BROX: variants seen among roughly 807,000 people sequenced by gnomAD.
BROX encodes the protein BRO1 domain and CAAX motif containing, also known as BRO1 domain-containing protein BROX.
BROX carries 53 observed loss-of-function variants against 61.0 expected under a neutral mutation model. The ratio of observed to expected loss-of-function variants is 0.87; its 90% CI spans 0.70 to 1.09. BROX has a LOEUF of 1.09. Among genes scored for constraint, BROX ranks in the 50% least tolerant of loss-of-function variants. The pLI, the probability that BROX is intolerant of heterozygous loss-of-function variation, is 0.00. For missense variants in BROX, 489 were observed against 472.0 expected (o/e 1.04, Z -0.33); for synonymous variants, 152 against 160.2 (o/e 0.95, Z 0.38).
chr1:222,725,511 T>G lies in BROX; in HGVS notation c.536T>G (p.Leu179Arg). 1 of 1,613,390 alleles carries G rather than the reference T, an allele frequency of 6.2e-7. No homozygotes were observed. The highest frequency in any genetic ancestry group is 8.5e-7 in the Non-Finnish European group (1 of 1,179,690). ...AEKGRDLESR[L>R]IEAYVIQCQA... ...AAAGGAAGAGATTTAGAGTCACGAC[T>G]CATAGAAGCATACGTTATTCAATGT... Residue 179 changes from leucine (L) to arginine (R), a missense_variant, in exon 7 of 13, where the codon CTC becomes CGC. Coordinates refer to ENST00000340934, the MANE Select transcript of BROX (RefSeq NM_144695.4).
chr1:222,714,628 C>T (rs756862250), intron 1 of BROX, among the ~76,000 whole-genome samples: 17 of 148,412 alleles, frequency 1.1e-4, no homozygotes, highest in Non-Finnish European at 2.4e-4. Flanking sequence ...CTTGCCCTGT[C>T]GCCCAGGCTG....
intron 8 of BROX, among the ~76,000 whole-genome samples, chr1:222,727,762 C>A (rs1166367561): frequency 1.3e-5 from 2 of 152,026 alleles, no homozygotes; most frequent in East Asian, 3.8e-4. Flanking sequence ...AACATGTAAC[C>A]CCGTTATTAT....
intron 6 of BROX, 124 bp from the exon 7 acceptor site, chr1:222,725,326 C>G: frequency 3.4e-6 from 2 of 589,764 alleles, no homozygotes; most frequent in South Asian, 4.9e-5. Flanking sequence ...TTTGTTTATA[C>G]TCTGAATTTC....
rs1354019894 is a variant in BROX, at chr1:222,733,373, A to C, written c.*659A>C. 6.6e-6 allele frequency: 1 copy of C among 150,722 alleles called. No homozygotes were observed. The highest frequency in any genetic ancestry group is 2.4e-5 in the African/African-American group (1 of 40,904). The allele number at this position is 150,722 out of a possible 1,614,324, so 9.3% of individuals were successfully genotyped here. A position where few individuals can be genotyped will look rare whatever the true frequency, so the allele number is the denominator to read the frequency against. On this transcript the variant is annotated 3_prime_UTR_variant, in exon 13 of 13. Transcript: ENST00000340934. ...TGGGATTACAGGCGTGATCCACTGC[A>C]CCTGGCCTCAGGTATGTTTTTCTAT...
intron 10 of BROX, 95 bp from the exon 11 acceptor site, chr1:222,729,932 A>G (rs1174674330): frequency 9.2e-6 from 11 of 1,192,834 alleles, no homozygotes. Context: ...GGTAAAGAGC[A>G]GTAAATGTCT....
At chr1:222,713,451 G>A (rs994999691) in intron 1 of BROX, 57 of 985,034 alleles carry the variant, frequency 5.8e-5, no homozygotes, top group Admixed American at 6.1e-5. Context: ...CTTCCGGGGT[G>A]GGGGTCCCTT....
intron 2 of BROX, among the ~76,000 whole-genome samples, chr1:222,716,391 G>T (rs1656613438): frequency 6.6e-6 from 1 of 152,194 alleles, no homozygotes; most frequent in South Asian, 2.1e-4. Flanking sequence ...GAGCCACCAT[G>T]CCCAGCTCTA....
At chr1:222,719,835 T>C (rs1377684622) in intron 4 of BROX, among the ~76,000 whole-genome samples, 1 of 152,206 alleles carries the variant, frequency 6.6e-6, no homozygotes. Context: ...TCTACTCTTT[T>C]TAAAAACTTC....
Position 222,728,841 on chromosome 1 carries a change from A to G in BROX, c.756+13A>G. ...CTACACAGCTTATGTAAGTATTCAC[A>G]ACGCTAAAAACAATGTAAATTATTG... On this transcript the variant is annotated intron_variant, in intron 9 of 12. Coordinates refer to ENST00000340934, the MANE Select transcript of BROX (RefSeq NM_144695.4). 1 of 1,538,308 alleles carries G rather than the reference A, an allele frequency of 6.5e-7. No individual in the cohort carries two copies. The highest frequency in any genetic ancestry group is 8.9e-7 in the Non-Finnish European group (1 of 1,121,614).
Position 222,727,202 on chromosome 1 carries a change from T to A in BROX, c.615T>A (p.Ala205=), listed in dbSNP as rs1657571035. 19 of 1,613,658 alleles carry A rather than the reference T, an allele frequency of 1.2e-5. No individual in the cohort carries two copies. The highest frequency in any genetic ancestry group is 1.5e-5 in the Non-Finnish European group (18 of 1,179,832). The stretch of plus-strand genomic sequence containing the variant: ...CTCGAGCAATTGAACTAAAACATGC[T>A]CCTGGACTAATTGCTGCACTGGCGT... The part of the protein sequence containing the change: ...TIARAIELKH[A]PGLIAALAYE... Residue 205 remains alanine (A), a synonymous_variant, in exon 8 of 13, where the codon GCT becomes GCA. Transcript: ENST00000340934.
intron 12 of BROX, 26 bp from the exon 13 acceptor site, chr1:222,732,602 T>A: frequency 6.5e-7 from 1 of 1,530,486 alleles, no homozygotes; most frequent in Non-Finnish European, 9.0e-7. Flanking sequence ...GTTTATGTAC[T>A]TAAACTGTGG....
intron 9 of BROX, 82 bp downstream of exon 9, chr1:222,728,910 T>G (rs138723801): frequency 2.3e-5 from 22 of 954,052 alleles, no homozygotes; most frequent in Non-Finnish European, 3.2e-5. Context: ...CTCACCAGAG[T>G]CTTTCATTAG....
intron 2 of BROX, chr1:222,717,828 A>G (rs1656750201): frequency 6.6e-6 from 1 of 152,220 alleles, no homozygotes; most frequent in Admixed American, 6.5e-5. Flanking sequence ...TCCACTCAAC[A>G]AGTAATTTTG....
At position 222,732,789 on chromosome 1, in the gene BROX, A is replaced by G. The variant is rs1207996858; in HGVS notation, c.*75A>G. The G allele has an allele frequency of 1.7e-6, 2 of 1,179,504 alleles. No individual in the cohort carries two copies. The highest frequency in any genetic ancestry group is 2.5e-6 in the Non-Finnish European group (2 of 811,640). 73.1% of individuals were successfully genotyped at this position (1,179,504 alleles called of 1,614,324 possible). ...AGAATTTCAGTTCTTATTTCTCAAA[A>G]TGATTTCTCTGAAGCTTGTAGAATA... is the stretch of plus-strand genomic sequence containing the variant. On this transcript the variant is annotated 3_prime_UTR_variant, in exon 13 of 13. Transcript: ENST00000340934.
chr1:222,730,532 G>A (rs1182016527), intron 11 of BROX, among the ~76,000 whole-genome samples: 1 of 152,124 alleles, frequency 6.6e-6, no homozygotes, highest in Non-Finnish European at 1.5e-5. Context: ...GGAAGTCAAG[G>A]CTGCACTGAG....
intron 5 of BROX, among the ~76,000 whole-genome samples, chr1:222,723,210 T>C (rs936718992): frequency 6.6e-6 from 1 of 152,256 alleles, no homozygotes; most frequent in Non-Finnish European, 1.5e-5. Flanking sequence ...TGTATCTATG[T>C]GTTTCTTAAG....
Position 222,727,261 on chromosome 1 carries a change from A to G in BROX, c.670+4A>G. ...GCCAATTTCTATCAAAAAGCTGGTA[A>G]GCTTCTAATTCTGTCGTTACATTTT... On this transcript the variant is annotated splice_donor_region_variant and intron_variant, in intron 8 of 12. Transcript: ENST00000340934. 2 of 1,596,036 alleles carry G rather than the reference A, an allele frequency of 1.3e-6. No homozygotes were observed. The highest frequency in any genetic ancestry group is 1.7e-6 in the Non-Finnish European group (2 of 1,163,944).
intron 1 of BROX, chr1:222,715,221 C>G (rs1401456176): frequency 1.3e-5 from 2 of 152,362 alleles, no homozygotes; most frequent in African/African-American, 4.8e-5. Context: ...AGGTCCTGCC[C>G]CAGGCTATTG....
In BROX at chr1:222,712,959, AT is replaced by A. The variant is rs929338000; in HGVS notation, c.-17+18del. On this transcript the variant is annotated intron_variant, in intron 1 of 12. Transcript: ENST00000340934. ...AGAAATTTGGTAAGTATGTCAGAGGATGGGTGTTTCTCAGTAATATCCCCCG... is the reference window on the plus strand; with the variant it reads ...AGAAATTTGGTAAGTATGTCAGAGGAGGGTGTTTCTCAGTAATATCCCCCG... The A allele has an allele frequency of 5.1e-6, 6 of 1,184,486 alleles. No homozygotes were observed. The highest frequency in any genetic ancestry group is 6.4e-6 in the Non-Finnish European group (6 of 937,160). 73.4% of individuals were successfully genotyped at this position (1,184,486 alleles called of 1,614,324 possible). A position where few individuals can be genotyped will look rare whatever the true frequency, so the allele number is the denominator to read the frequency against.
Sources: allele counts gnomAD v4.1 joint callset (sites outside exome capture counted in the v4.1 genomes callset), GRCh38; gene constraint gnomAD v4.1.1; transcripts MANE v1.5; gene names NCBI Gene and HGNC (gene_info 2026-07-23, HGNC 2026-07-21).